NOX3: variants seen among roughly 807,000 people sequenced by gnomAD.
NOX3 encodes the protein NADPH oxidase catalytic subunit-like 3.
A neutral mutation model predicts 76.7 loss-of-function variants in NOX3; 74 were observed. The observed-to-expected ratio is 0.96, with a 90% CI of 0.80 to 1.17. NOX3 has a LOEUF of 1.17. NOX3 is among the 50% of genes most tolerant of loss of function. The pLI is 0.00. For missense variants in NOX3, 695 were observed against 703.3 expected, an observed-to-expected ratio of 0.99 and a Z score of 0.13; for synonymous variants, 263 against 261.1, an observed-to-expected ratio of 1.01 and a Z score of -0.07.
chr6:155,439,456 AG>A (rs2114701984), intron 6 of NOX3, among the ~76,000 whole-genome samples: 1 of 152,284 alleles, frequency 6.6e-6, no homozygotes, highest in South Asian at 2.1e-4. Flanking sequence ...GGGGAAACTG[AG>A]GCTCAGAGGA....
intron 4 of NOX3, among the ~76,000 whole-genome samples, chr6:155,446,752 C>T (rs1304693733): frequency 1.3e-5 from 2 of 152,252 alleles, no homozygotes; most frequent in East Asian, 3.9e-4. Flanking sequence ...TCTGGCTGAT[C>T]ACAACATTTG....
rs1309972991 is a variant in NOX3, at chr6:155,454,940, A to G, written c.145-19T>C. ...GTGTTGACTGTCCACATGTAAAGAC[A>G]TAAAAAAGAGATTCAGGGAAAACAA... On this transcript the variant is annotated intron_variant, in intron 2 of 13. Coordinates refer to ENST00000159060, the MANE Select transcript of NOX3 (RefSeq NM_015718.3). 1.1e-5 allele frequency: 18 copies of G among 1,593,508 alleles called. No homozygotes were observed. Among genetic ancestry groups the G allele is most frequent in the Non-Finnish European group, 1.1e-5 (13 of 1,164,002 alleles).
chr6:155,423,524 T>C (rs1776717898), intron 9 of NOX3, among the ~76,000 whole-genome samples: 1 of 152,180 alleles, frequency 6.6e-6, no homozygotes, highest in South Asian at 2.1e-4. Flanking sequence ...GGATAAAGTA[T>C]ATTCATTGAA....
rs569604445 is a variant in NOX3, at chr6:155,443,781, G to A, written c.341-363C>T. On this transcript the variant is annotated intron_variant, in intron 4 of 13. Coordinates refer to ENST00000159060, the MANE Select transcript of NOX3 (RefSeq NM_015718.3). ...ATATAACTTCTTAAGAAATTGGAAA[G>A]CATTATTCTAGAGTACTGTACATTA... 3.3e-5 allele frequency among the ~76,000 whole-genome samples: 5 copies of A among 150,942 alleles called. No homozygotes were observed. The South Asian group carries it at 8.4e-4, about 25-fold the overall frequency.
rs956292761 is a variant in NOX3 at position 155,440,264 on chromosome 6, C to G, written c.487-127G>C. ...TTGAGATTTCAAGCAGGGAGCCGTTCACAATGTTTCACTCAGAAGCACGTT... is the reference window on the plus strand; with the variant it reads ...TTGAGATTTCAAGCAGGGAGCCGTTGACAATGTTTCACTCAGAAGCACGTT... On this transcript the variant is annotated intron_variant, in intron 5 of 13. Transcript: ENST00000159060. The G allele has an allele frequency of 1.7e-5, 12 of 686,118 alleles. No individual in the cohort carries two copies. The African/African-American group carries it at 2.2e-4, about 13-fold the overall frequency. 42.5% of individuals were successfully genotyped at this position (686,118 alleles called of 1,614,324 possible).
intron 9 of NOX3, 87 bp downstream of exon 9, chr6:155,428,707 T>C: frequency 8.0e-7 from 1 of 1,242,988 alleles, no homozygotes; most frequent in Non-Finnish European, 1.1e-6. Flanking sequence ...AATAAAGATA[T>C]TGCTGAATCA....
chr6:155,404,087 C>G (rs893865490), intron 12 of NOX3, among the ~76,000 whole-genome samples: 1 of 149,046 alleles, frequency 6.7e-6, no homozygotes, highest in Non-Finnish European at 1.5e-5. Context: ...GACTGAAAAC[C>G]GAACGTAAAA....
intron 12 of NOX3, among the ~76,000 whole-genome samples, chr6:155,405,108 A>G (rs1445284646): frequency 6.6e-6 from 1 of 152,210 alleles, no homozygotes; most frequent in Non-Finnish European, 1.5e-5. Flanking sequence ...GGAAGTACAA[A>G]GAGTTTAATG....
At chr6:155,409,952 T>G (rs1003747516) in intron 11 of NOX3, among the ~76,000 whole-genome samples, 10 of 152,202 alleles carry the variant, frequency 6.6e-5, no homozygotes, top group Non-Finnish European at 1.0e-4. Context: ...AAGGAATACC[T>G]AGGTGCACAC....
At chr6:155,450,773 C>CA (rs1403589895) in intron 4 of NOX3, among the ~76,000 whole-genome samples, 3 of 151,926 alleles carry the variant, frequency 2.0e-5, no homozygotes, top group Non-Finnish European at 4.4e-5. Flanking sequence ...TGGGTGTGCC[C>CA]AAGGGGAAAA....
chr6:155,399,096 A>G (rs985664758), intron 12 of NOX3, among the ~76,000 whole-genome samples: 5 of 152,238 alleles, frequency 3.3e-5, no homozygotes, highest in African/African-American at 1.2e-4. Flanking sequence ...TGAATGGTAG[A>G]TGGATCAGGC....
intron 9 of NOX3, among the ~76,000 whole-genome samples, chr6:155,427,305 A>G (rs1256044930): frequency 6.6e-6 from 1 of 152,126 alleles, no homozygotes; most frequent in Non-Finnish European, 1.5e-5. Flanking sequence ...CCCAGGGTGC[A>G]GTTACAGCTC....
Position 155,453,492 on chromosome 6 carries a change from G to C in NOX3, c.256-4C>G. ...TCCTCCACGGTCCTCTGCAGCACTA[G>C]AGTAACAAAAAAATATGCCTGATTT... On this transcript the variant is annotated splice_polypyrimidine_tract_variant and splice_region_variant and intron_variant, in intron 3 of 13. Coordinates refer to ENST00000159060, the MANE Select transcript of NOX3 (RefSeq NM_015718.3). 6.2e-7 allele frequency: 1 copy of C among 1,609,190 alleles called. No homozygotes were observed. The highest frequency in any genetic ancestry group is 8.5e-7 in the Non-Finnish European group (1 of 1,175,794).
At chr6:155,409,749 C>T (rs377277552) in intron 11 of NOX3, among the ~76,000 whole-genome samples, 6 of 151,824 alleles carry the variant, frequency 4.0e-5, no homozygotes, top group African/African-American at 7.3e-5. Context: ...ATTTAGGAGT[C>T]GAAATAATTT....
At chr6:155,440,683 CAA>C (rs59598361) in intron 5 of NOX3, among the ~76,000 whole-genome samples, 36 of 105,634 alleles carry the variant, frequency 3.4e-4, no homozygotes, top group African/African-American at 8.4e-4. Flanking sequence ...AAAGAAAAAA[CAA>C]AAAAAAAAAA....
intron 9 of NOX3, among the ~76,000 whole-genome samples, chr6:155,423,909 T>A (rs992596631): frequency 6.6e-6 from 1 of 151,934 alleles, no homozygotes; most frequent in Non-Finnish European, 1.5e-5. Flanking sequence ...CCCAGCTAAT[T>A]TTTTTGTATT....
At chr6:155,414,830 G>T (rs1239899093) in intron 10 of NOX3, among the ~76,000 whole-genome samples, 1 of 151,884 alleles carries the variant, frequency 6.6e-6, no homozygotes, top group Non-Finnish European at 1.5e-5. Context: ...ATTTCACCAT[G>T]TTGGCCATGC....
At chr6:155,436,716 G>T (rs1002768573) in intron 6 of NOX3, among the ~76,000 whole-genome samples, 169 bp from the exon 7 acceptor site, 1 of 152,138 alleles carries the variant, frequency 6.6e-6, no homozygotes, top group African/African-American at 2.4e-5. Flanking sequence ...TTAAAAATAA[G>T]CATTTAAGAA....
At chr6:155,437,542 T>C (rs1204907844) in intron 6 of NOX3, among the ~76,000 whole-genome samples, 1 of 152,202 alleles carries the variant, frequency 6.6e-6, no homozygotes, top group East Asian at 1.9e-4. Context: ...GTCTGTTTTA[T>C]GGAAGCCATC....
Sources: gnomAD v4.1 joint callset for allele counts (sites outside exome capture counted in the v4.1 genomes callset) on GRCh38, gnomAD v4.1.1 for gene constraint, MANE v1.5 for transcripts, NCBI Gene and HGNC (gene_info 2026-07-23, HGNC 2026-07-21) for gene names.